The following MAPDA variants were observed in gnomAD, a reference collection of about 807,000 sequenced individuals.
MAPDA encodes the protein N6,N6-dimethyl-AMP deaminase.
the MAPDA span, among the ~76,000 whole-genome samples, chr15:43,342,090 C>T: frequency 2.0e-5 from 3 of 152,070 alleles, no homozygotes; most frequent in Admixed American, 6.6e-5. Flanking sequence ...CGGCCCGCCT[C>T]GGCCTCCGAA....
chr15:43,344,558 C>T, the MAPDA span, among the ~76,000 whole-genome samples: 1 of 152,054 alleles, frequency 6.6e-6, no homozygotes, highest in Non-Finnish European at 1.5e-5. Context: ...CCTGTAATCC[C>T]AGAACTTTGG....
the MAPDA span, chr15:43,346,907 A>G: frequency 1.2e-6 from 1 of 825,632 alleles, no homozygotes; most frequent in Non-Finnish European, 2.0e-6. Flanking sequence ...AAATGAATTA[A>G]TCTACCATTA....
the MAPDA span, chr15:43,353,235 C>A: frequency 6.6e-6 from 1 of 151,936 alleles, no homozygotes; most frequent in African/African-American, 2.4e-5. Flanking sequence ...GCCACTTCAG[C>A]TGAAGACAAG....
At chr15:43,340,240 TTG>T in the MAPDA span, 1 of 1,600,778 alleles carries the variant, frequency 6.2e-7, no homozygotes, top group Non-Finnish European at 8.6e-7. Context: ...ATTATCAATA[TTG>T]TGTACGTTAT....
chr15:43,336,522 GTAAATA>G, the MAPDA span: 4 of 848,428 alleles, frequency 4.7e-6, no homozygotes, highest in South Asian at 2.0e-5. Flanking sequence ...GTAGTTCTTT[GTAAATA>G]TAAATATATA....
At chr15:43,350,910 A>T in the MAPDA span, 5 of 1,521,108 alleles carry the variant, frequency 3.3e-6, no homozygotes, top group Non-Finnish European at 4.5e-6. Flanking sequence ...ATTTGCTTTT[A>T]ATAAGAGGTT....
At chr15:43,332,759 T>C in the MAPDA span, among the ~76,000 whole-genome samples, 1 of 152,098 alleles carries the variant, frequency 6.6e-6, no homozygotes, top group Admixed American at 6.5e-5. Flanking sequence ...GAGTTCCCTT[T>C]TGGGGGAGTA....
chr15:43,331,259 A>C, the MAPDA span, among the ~76,000 whole-genome samples: 3 of 152,204 alleles, frequency 2.0e-5, no homozygotes, highest in Admixed American at 6.5e-5. Flanking sequence ...AGTAGTGTTG[A>C]ATATGTCCCC....
At chr15:43,351,991 T>G in the MAPDA span, 1 of 1,505,844 alleles carries the variant, frequency 6.6e-7, no homozygotes, top group Non-Finnish European at 8.9e-7. Flanking sequence ...TCAATCAAGT[T>G]CCTGCCATAT....
the MAPDA span, chr15:43,336,809 G>A: frequency 1.4e-6 from 1 of 698,086 alleles, no homozygotes; most frequent in Non-Finnish European, 2.2e-6. Flanking sequence ...CTCTATTATG[G>A]CAACTCTTCA....
At chr15:43,330,844 G>C in the MAPDA span, 33 of 196,760 alleles carry the variant, frequency 1.7e-4, no homozygotes, top group African/African-American at 7.6e-4. Context: ...CCTTGTAGTT[G>C]AGAAATCTCT....
the MAPDA span, among the ~76,000 whole-genome samples, chr15:43,346,154 A>C: frequency 6.6e-6 from 1 of 152,190 alleles, no homozygotes; most frequent in South Asian, 2.1e-4. Context: ...GCTCTCATCC[A>C]AGGTTCTGTG....
the MAPDA span, among the ~76,000 whole-genome samples, chr15:43,333,985 TG>T: frequency 6.6e-6 from 1 of 152,140 alleles, no homozygotes; most frequent in African/African-American, 2.4e-5. Context: ...AGTGTTAGAG[TG>T]GTGGAATAAT....
At chr15:43,352,125 C>T in the MAPDA span, 3 of 488,744 alleles carry the variant, frequency 6.1e-6, no homozygotes, top group Non-Finnish European at 1.0e-5. Context: ...GACTCACAAG[C>T]TCTCAGGTGC....
chr15:43,330,382 G>C, the MAPDA span: 1 of 1,601,860 alleles, frequency 6.2e-7, no homozygotes, highest in Non-Finnish European at 8.5e-7. Flanking sequence ...ACGCGGCAAA[G>C]GGGTCCTGCA....
the MAPDA span, chr15:43,335,850 A>T: frequency 6.3e-7 from 1 of 1,593,530 alleles, no homozygotes; most frequent in South Asian, 1.1e-5. Context: ...GGTTGTGGAC[A>T]TACTCCTTTT....
At chr15:43,336,560 AATTC>A in the MAPDA span, 6 of 1,280,136 alleles carry the variant, frequency 4.7e-6, no homozygotes, top group Non-Finnish European at 6.4e-6. Context: ...CCTAAAATTT[AATTC>A]ATTCAGTTAG....
chr15:43,346,007 T>G, the MAPDA span: 1 of 1,612,856 alleles, frequency 6.2e-7, no homozygotes, highest in African/African-American at 1.3e-5. Context: ...ACGTACATTT[T>G]AATTCTAAAA....
chr15:43,335,889 G>A, the MAPDA span: 1 of 1,564,478 alleles, frequency 6.4e-7, no homozygotes, highest in South Asian at 1.2e-5. Flanking sequence ...GAGATTGTAA[G>A]TAGTATGTAA....
Sources: allele counts gnomAD v4.1 joint callset (sites outside exome capture counted in the v4.1 genomes callset), GRCh38; gene constraint gnomAD v4.1.1; transcripts MANE v1.5; gene names NCBI Gene and HGNC (gene_info 2026-07-23, HGNC 2026-07-21).